BORCS5: variants seen among roughly 807,000 people sequenced by gnomAD.
The protein encoded by BORCS5 is BLOC-1 related complex subunit 5.
BORCS5 carries 17 observed loss-of-function variants against 22.1 expected under a neutral mutation model. The ratio of observed to expected loss-of-function variants is 0.77; its 90% CI spans 0.53 to 1.15. The LOEUF (loss-of-function observed/expected upper bound fraction) is 1.15, where lower values mean the gene tolerates loss of function less well. BORCS5 is among the 50% of genes most tolerant of loss of function. The probability of loss-of-function intolerance (pLI) is 0.00; values close to 1 mark genes in which losing one functional copy is unlikely to be tolerated. For missense variants in BORCS5, 247 were observed against 253.2 expected, an observed-to-expected ratio of 0.98 and a Z score of 0.17; for synonymous variants, 117 against 99.8, an observed-to-expected ratio of 1.17 and a Z score of -1.03.
intron 3 of BORCS5, among the ~76,000 whole-genome samples, chr12:12,449,863 C>T (rs968907835): frequency 6.6e-6 from 1 of 152,204 alleles, no homozygotes; most frequent in African/African-American, 2.4e-5. Flanking sequence ...CAGAAGGAAG[C>T]AGACGTGTGC....
In BORCS5 at chr12:12,361,238, A is replaced by G. The variant is rs558171138; in HGVS notation, c.91A>G (p.Met31Val). The G allele has an allele frequency of 6.2e-7, 1 of 1,614,144 alleles. No individual in the cohort carries two copies. The highest frequency in any genetic ancestry group is 1.1e-5 in the South Asian group (1 of 91,080). The change falls in exon 2 of 4, where the codon ATG (methionine) becomes GTG (valine). Residue 31 changes from methionine (M) to valine (V), a missense_variant. By Grantham distance (21) the Met-to-Val change is conservative. Transcript: ENST00000314565. ...TTCACCAGCCAAGCATAGAGCCAAG[A>G]TGGATGATATTGTGGTTGTAGCTCA... Reference protein sequence around the residue: ...TPSPAKHRAKMDDIVVVAQGS... With the variant: ...TPSPAKHRAKVDDIVVVAQGS...
At chr12:12,369,019 A>G (rs2136025643) in intron 2 of BORCS5, among the ~76,000 whole-genome samples, 1 of 152,220 alleles carries the variant, frequency 6.6e-6, no homozygotes, top group South Asian at 2.1e-4. Flanking sequence ...TAATTTGATC[A>G]CTTAATGAAA....
chr12:12,461,561 A>G (rs10845551), intron 3 of BORCS5, among the ~76,000 whole-genome samples: 82,379 of 151,958 alleles, frequency 0.54, 23,361 homozygotes, highest in African/African-American at 0.71. Flanking sequence ...AAGTTTATTC[A>G]TCTCTCTCAG....
intron 2 of BORCS5, among the ~76,000 whole-genome samples, chr12:12,371,815 T>G (rs1050925276): frequency 6.6e-6 from 1 of 152,192 alleles, no homozygotes; most frequent in African/African-American, 2.4e-5. Context: ...TTTTAGTCTT[T>G]TCCTTTCTGT....
rs192205367 is a variant in BORCS5 at position 12,435,989 on chromosome 12, C to G, written c.360+204C>G. On this transcript the variant is annotated intron_variant, in intron 3 of 3. Coordinates refer to ENST00000314565, the MANE Select transcript of BORCS5 (RefSeq NM_058169.6). Reference sequence around the variant, plus strand: ...TTCTGATCACCACTGATTTGCTTGGCCAAGTTGCTTAACTTCTCTGTCTCA... The same window carrying G: ...TTCTGATCACCACTGATTTGCTTGGGCAAGTTGCTTAACTTCTCTGTCTCA... The G allele has an allele frequency of 1.7e-5, 8 of 479,316 alleles. No individual in the cohort carries two copies. In the Admixed American group the frequency reaches 2.1e-4, roughly 12 times the overall value. 29.7% of individuals were successfully genotyped at this position (479,316 alleles called of 1,614,324 possible).
chr12:12,360,614 T>C lies in BORCS5; in HGVS notation c.59-592T>C, dbSNP rs141397313. 4.4e-3 allele frequency among the ~76,000 whole-genome samples: 666 copies of C among 150,300 alleles called. 6 individuals are homozygous for C. The highest frequency in any genetic ancestry group is 0.027 in the Middle Eastern group (8 of 294). On this transcript the variant is annotated intron_variant, in intron 1 of 3. Coordinates refer to ENST00000314565, the MANE Select transcript of BORCS5 (RefSeq NM_058169.6). The stretch of plus-strand genomic sequence containing the variant: ...TTTTTAGAGATAGGGTCTCACTATG[T>C]TGCCCAGGTTGGTCTTGAACTCCTG...
chr12:12,385,342 A>G (rs925916597), intron 2 of BORCS5, among the ~76,000 whole-genome samples: 8 of 151,362 alleles, frequency 5.3e-5, no homozygotes, highest in African/African-American at 1.7e-4. Context: ...CTGGATGTGG[A>G]TGCTACCTAT....
At chr12:12,378,286 C>T (rs538344486) in intron 2 of BORCS5, among the ~76,000 whole-genome samples, 15 of 152,232 alleles carry the variant, frequency 9.9e-5, no homozygotes, top group Admixed American at 4.6e-4. Flanking sequence ...GCAGGACAAT[C>T]GCTTGAACCT....
intron 3 of BORCS5, among the ~76,000 whole-genome samples, chr12:12,438,371 A>AAAAAAAAAAAAAAAAAAAAAAAAAC (rs1565915549): frequency 1.7e-5 from 2 of 117,054 alleles, no homozygotes; most frequent in African/African-American, 9.0e-5. Context: ...AAAAAAAAAA[A>AAAAAAAAAAAAAAAAAAAAAAAAAC]AAAAAAAAAC....
chr12:12,404,758 G>C (rs10845531), intron 2 of BORCS5, among the ~76,000 whole-genome samples: 39,337 of 152,162 alleles, frequency 0.26, 6,045 homozygotes, highest in Non-Finnish European at 0.34. Context: ...GAATGCAGTG[G>C]CATCATCTCA....
intron 3 of BORCS5, chr12:12,452,270 T>C: frequency 2.6e-6 from 2 of 775,760 alleles, no homozygotes; most frequent in Non-Finnish European, 4.3e-6. Context: ...GTGCACCAAT[T>C]TGTGTAACAA....
intron 2 of BORCS5, among the ~76,000 whole-genome samples, chr12:12,434,041 G>T (rs1367236574): frequency 6.6e-6 from 1 of 151,936 alleles, no homozygotes; most frequent in Non-Finnish European, 1.5e-5. Context: ...GGCCAGGTGA[G>T]GTGGCTTACA....
intron 2 of BORCS5, 89 bp from the exon 3 acceptor site, chr12:12,435,538 AC>A (rs1244554375): frequency 9.7e-7 from 1 of 1,030,738 alleles, no homozygotes; most frequent in Non-Finnish European, 1.4e-6. Flanking sequence ...TTGAAGTCTT[AC>A]CCTGTCTTCA....
At chr12:12,448,284 C>T (rs1289558874) in intron 3 of BORCS5, among the ~76,000 whole-genome samples, 2 of 152,192 alleles carry the variant, frequency 1.3e-5, no homozygotes, top group Non-Finnish European at 2.9e-5. Context: ...GGTGCAATCT[C>T]GGCTCACTGC....
At chr12:12,427,573 A>T (rs904899935) in intron 2 of BORCS5, among the ~76,000 whole-genome samples, 1 of 152,156 alleles carries the variant, frequency 6.6e-6, no homozygotes, top group African/African-American at 2.4e-5. Context: ...TTATCTTTGA[A>T]ATATACTATG....
chr12:12,389,565 C>T lies in BORCS5; in HGVS notation c.202+28216C>T, dbSNP rs866554034. 4.9e-5 allele frequency among the ~76,000 whole-genome samples: 7 copies of T among 142,396 alleles called. 1 individual carries two copies. The highest frequency in any genetic ancestry group is 9.6e-5 in the Non-Finnish European group (6 of 62,268). 93.4% of individuals were successfully genotyped at this position (142,396 alleles called of 152,430 possible). ...ATTGGTTGCTCCATCCTGCCTACAA[C>T]CAATTCTGATGCAGGTATGAGCTCC... is the stretch of plus-strand genomic sequence containing the variant. On this transcript the variant is annotated intron_variant, in intron 2 of 3. Coordinates refer to ENST00000314565, the MANE Select transcript of BORCS5 (RefSeq NM_058169.6).
intron 2 of BORCS5, among the ~76,000 whole-genome samples, chr12:12,383,952 C>T (rs1407516796): frequency 1.3e-5 from 2 of 151,140 alleles, no homozygotes; most frequent in Non-Finnish European, 3.0e-5. Flanking sequence ...ATCTCTAAGG[C>T]ACTGTTTTAT....
At chr12:12,361,683 A>C (rs1248280440) in intron 2 of BORCS5, among the ~76,000 whole-genome samples, 1 of 152,220 alleles carries the variant, frequency 6.6e-6, no homozygotes, top group Non-Finnish European at 1.5e-5. Context: ...AATCTGGTAT[A>C]AGATAGGGAC....
chr12:12,432,372 A>G (rs1942452019), intron 2 of BORCS5, among the ~76,000 whole-genome samples: 1 of 152,166 alleles, frequency 6.6e-6, no homozygotes, highest in Admixed American at 6.5e-5. Context: ...ATTTCTTGTC[A>G]GTGATAGGGT....
Sources: allele counts gnomAD v4.1 joint callset (sites outside exome capture counted in the v4.1 genomes callset), GRCh38; gene constraint gnomAD v4.1.1; transcripts MANE v1.5; gene names NCBI Gene and HGNC (gene_info 2026-07-23, HGNC 2026-07-21).